Variants in GLIS1 observed in about 807,000 individuals in gnomAD.
GLIS1 encodes GLIS family zinc finger 1, also known as zinc finger protein GLIS1.
Under a neutral mutation model 63.8 loss-of-function variants are expected in GLIS1, and 24 were observed. That is an observed-to-expected ratio of 0.38 (90% confidence interval 0.27 to 0.53). The LOEUF is 0.53. Ranked by LOEUF, GLIS1 falls within the 20% of genes least tolerant of loss-of-function variation. The probability of loss-of-function intolerance (pLI) is 0.85; values close to 1 mark genes in which losing one functional copy is unlikely to be tolerated. For missense variants in GLIS1, 1,036 were observed against 1,074.1 expected, an observed-to-expected ratio of 0.96 and a Z score of 0.50; for synonymous variants, 450 against 482.5, an observed-to-expected ratio of 0.93 and a Z score of 0.88.
rs1441922535 is a variant in GLIS1 at position 53,594,218 on chromosome 1, A to G, written c.1210T>C (p.Phe404Leu). 1 of 1,613,826 alleles carries G rather than the reference A, an allele frequency of 6.2e-7. No homozygotes were observed. The highest frequency in any genetic ancestry group is 1.3e-5 in the African/African-American group (1 of 74,944). ...ACGCAGCCAGCCCAGAAGCAGGTGA[A>G]GTCCTCGCCCTTGCGCTGGTCGATG... ...SHIDQRKGED[F>L]TCFWAGCVRR... The change falls in exon 4 of 11, where the codon TTC becomes CTC. Residue 404 changes from phenylalanine (F) to leucine (L), a missense_variant. Around this residue, in one of 3 missense-constraint regions of GLIS1, gnomAD observed 592 missense variants for 593.9 expected, o/e 1.00. Coordinates refer to ENST00000628545, the MANE Select transcript of GLIS1 (RefSeq NM_001367484.1).
rs541390443 is a variant in GLIS1, at chr1:53,594,729, G to A, written c.699C>T (p.Pro233=). The change falls in exon 4 of 11, where the codon CCC becomes CCT. Residue 233 remains proline (P), a synonymous_variant. Transcript: ENST00000628545. Reference sequence around the variant, plus strand: ...CGCAGCACCGCTTCAGGCTGCCCTCGGGGAGGTGGGTCTCGGGCTGGAGGC... The same window carrying A: ...CGCAGCACCGCTTCAGGCTGCCCTCAGGGAGGTGGGTCTCGGGCTGGAGGC... The part of the protein sequence containing the change: ...GLGLQPETHL[P]EGSLKRCCVL... 1.0e-4 allele frequency: 164 copies of A among 1,568,538 alleles called. 1 individual carries two copies. In the South Asian group the frequency reaches 1.8e-3, roughly 17 times the overall value.
rs535827007 is a variant in GLIS1, at chr1:53,703,083, T to C, written c.259+34723A>G. Among the ~76,000 whole-genome samples the C allele has an allele frequency of 3.0e-4, 46 of 152,350 alleles. No individual in the cohort carries two copies. The South Asian group carries it at 6.4e-3, about 21-fold the overall frequency. On this transcript the variant is annotated intron_variant, in intron 2 of 10. Coordinates refer to ENST00000628545, the MANE Select transcript of GLIS1 (RefSeq NM_001367484.1). ...TGGCTTCAGCTCCTTGAGCCTCTGC[T>C]ACATTAAATGTAAAAACTTACCCCA...
Position 53,506,767 on chromosome 1 carries a change from G to C in GLIS1, c.2240C>G (p.Ala747Gly). ...TGTGGGGCATGAGGCCTCAGCCAGGGCCTCATAGCCTGTGAGTGGTTGGGA... is the reference window on the plus strand; with the variant it reads ...TGTGGGGCATGAGGCCTCAGCCAGGCCCTCATAGCCTGTGAGTGGTTGGGA... ...STPLPATGYEALAEASCPTAL... is the reference protein window; with the variant it reads ...STPLPATGYEGLAEASCPTAL... The change falls in exon 11 of 11, where the codon GCC (alanine) becomes GGC (glycine). Residue 747 changes from alanine to glycine, a missense_variant. By Grantham distance (60) the Ala-to-Gly change is moderately conservative (BLOSUM62 0). Transcript: ENST00000628545. 1 of 1,610,034 alleles carries C rather than the reference G, an allele frequency of 6.2e-7. No homozygotes were observed. The highest frequency in any genetic ancestry group is 8.5e-7 in the Non-Finnish European group (1 of 1,179,798).
At chr1:53,692,590 C>T (rs1454213895) in intron 2 of GLIS1, among the ~76,000 whole-genome samples, 2 of 152,210 alleles carry the variant, frequency 1.3e-5, no homozygotes, top group Admixed American at 6.5e-5. Context: ...AGAAATGGAG[C>T]TTCCAGCAGC....
intron 2 of GLIS1, among the ~76,000 whole-genome samples, chr1:53,724,720 A>G (rs1453767198): frequency 6.6e-6 from 1 of 152,070 alleles, no homozygotes; most frequent in East Asian, 1.9e-4. Flanking sequence ...GAGTATCACT[A>G]TGTTACCCAG....
chr1:53,516,810 A>C (rs1644357650), intron 7 of GLIS1, among the ~76,000 whole-genome samples: 1 of 151,910 alleles, frequency 6.6e-6, no homozygotes, highest in Non-Finnish European at 1.5e-5. Flanking sequence ...CTCAAAAAAA[A>C]AAACAAAAAA....
chr1:53,531,975 GCA>G (rs1425703572), intron 4 of GLIS1, among the ~76,000 whole-genome samples: 2 of 152,170 alleles, frequency 1.3e-5, no homozygotes, highest in South Asian at 2.1e-4. Context: ...CATGAAAAAG[GCA>G]CAGATTCCCT....
At chr1:53,507,679 G>T (rs1644249222) in intron 10 of GLIS1, among the ~76,000 whole-genome samples, 1 of 152,206 alleles carries the variant, frequency 6.6e-6, no homozygotes, top group Non-Finnish European at 1.5e-5. Context: ...TGACCGGGGA[G>T]GTGTGCACAG....
chr1:53,685,457 T>A (rs181656103), intron 2 of GLIS1, among the ~76,000 whole-genome samples: 11 of 152,224 alleles, frequency 7.2e-5, no homozygotes, highest in Non-Finnish European at 1.6e-4. Flanking sequence ...TCCTCGGCAA[T>A]GTTTAATCAG....
At chr1:53,627,260 T>C (rs1645605388) in intron 2 of GLIS1, among the ~76,000 whole-genome samples, 1 of 152,214 alleles carries the variant, frequency 6.6e-6, no homozygotes, top group South Asian at 2.1e-4. Flanking sequence ...AGCTGGCCGA[T>C]CGGGAGGGTT....
chr1:53,617,767 G>A (rs1645498037), intron 2 of GLIS1, among the ~76,000 whole-genome samples: 1 of 152,184 alleles, frequency 6.6e-6, no homozygotes, highest in Non-Finnish European at 1.5e-5. Context: ...TTTCATTTCA[G>A]GAGAGCAAAG....
At chr1:53,641,501 A>C (rs1219971500) in intron 2 of GLIS1, among the ~76,000 whole-genome samples, 2 of 152,162 alleles carry the variant, frequency 1.3e-5, no homozygotes, top group Non-Finnish European at 2.9e-5. Flanking sequence ...AGTTCTGGCT[A>C]TATCACTTGC....
intron 2 of GLIS1, among the ~76,000 whole-genome samples, chr1:53,653,657 T>C (rs1213408885): frequency 6.6e-6 from 1 of 152,150 alleles, no homozygotes; most frequent in African/African-American, 2.4e-5. Context: ...GTGAATTCCT[T>C]CTTCCTGCGG....
chr1:53,585,725 G>A (rs1295602732), intron 4 of GLIS1, among the ~76,000 whole-genome samples: 2 of 152,210 alleles, frequency 1.3e-5, no homozygotes, highest in Non-Finnish European at 2.9e-5. Flanking sequence ...ACACACCTGT[G>A]AAAGTGCCCT....
At position 53,679,715 on chromosome 1, in the gene GLIS1, C is replaced by T. The variant is rs1456884012; in HGVS notation, c.259+58091G>A. 2.0e-5 allele frequency among the ~76,000 whole-genome samples: 3 copies of T among 151,460 alleles called. No individual in the cohort carries two copies. The South Asian group carries it at 6.2e-4, about 31-fold the overall frequency. On this transcript the variant is annotated intron_variant, in intron 2 of 10. Transcript: ENST00000628545. ...CCCCTTGGCTGCTCTGAGCATGCTTCCTTGGGACAGCAATCACTCCTGCCT... is the reference window on the plus strand; with the variant it reads ...CCCCTTGGCTGCTCTGAGCATGCTTTCTTGGGACAGCAATCACTCCTGCCT...
intron 4 of GLIS1, among the ~76,000 whole-genome samples, chr1:53,537,222 C>T (rs1458662678): frequency 2.0e-5 from 3 of 152,194 alleles, no homozygotes; most frequent in Non-Finnish European, 4.4e-5. Context: ...GCCCAAGATC[C>T]GCTGGGGGCT....
At chr1:53,516,989 T>C (rs1295829490) in intron 7 of GLIS1, among the ~76,000 whole-genome samples, 3 of 152,284 alleles carry the variant, frequency 2.0e-5, no homozygotes, top group African/African-American at 7.2e-5. Flanking sequence ...AAACATACTA[T>C]GTGCCACACT....
intron 10 of GLIS1, among the ~76,000 whole-genome samples, chr1:53,507,673 C>T (rs1177411777): frequency 3.9e-5 from 6 of 152,268 alleles, no homozygotes; most frequent in South Asian, 4.1e-4. Flanking sequence ...TTTGCTTGAC[C>T]GGGGAGGTGT....
chr1:53,665,052 C>T (rs750824563), intron 2 of GLIS1, among the ~76,000 whole-genome samples: 9 of 152,186 alleles, frequency 5.9e-5, no homozygotes, highest in African/African-American at 1.4e-4. Context: ...TTTGTGAGAT[C>T]GCAGCCACTG....
Sources: allele counts gnomAD v4.1 joint callset (sites outside exome capture counted in the v4.1 genomes callset), GRCh38; gene constraint gnomAD v4.1.1; regional missense constraint gnomAD v4.1.1; transcripts MANE v1.5; gene names NCBI Gene and HGNC (gene_info 2026-07-23, HGNC 2026-07-21).